SAMD3: variants seen among roughly 807,000 people sequenced by gnomAD.
The protein encoded by SAMD3 is sterile alpha motif domain-containing protein 3.
A neutral mutation model predicts 58.5 loss-of-function variants in SAMD3; 63 were observed. That is an observed-to-expected ratio of 1.08 (90% confidence interval 0.88 to 1.33). The LOEUF (loss-of-function observed/expected upper bound fraction) is 1.33. SAMD3 is among the 40% of genes most tolerant of loss of function. The probability of loss-of-function intolerance (pLI) is 0.00; values close to 1 mark genes in which losing one functional copy is unlikely to be tolerated. For missense variants in SAMD3, 604 were observed against 608.4 expected (o/e 0.99, Z 0.08); for synonymous variants, 220 against 210.3 (o/e 1.05, Z -0.40).
intron 8 of SAMD3, among the ~76,000 whole-genome samples, chr6:130,170,179 C>G (rs1177171790): frequency 6.6e-6 from 1 of 152,142 alleles, no homozygotes; most frequent in African/African-American, 2.4e-5. Context: ...GGTGTTTGTC[C>G]TAATGCTCTC....
chr6:130,208,512 C>T (rs552469132), intron 5 of SAMD3, among the ~76,000 whole-genome samples: 1 of 152,208 alleles, frequency 6.6e-6, no homozygotes, highest in African/African-American at 2.4e-5. Context: ...CACCTGAGCT[C>T]CGCCTCCTGA....
chr6:130,293,075 C>T (rs1212527047), intron 2 of SAMD3, among the ~76,000 whole-genome samples: 13 of 152,194 alleles, frequency 8.5e-5, no homozygotes, highest in Non-Finnish European at 1.3e-4. Flanking sequence ...AGTCCCTAAT[C>T]CTCAATTAGT....
At chr6:130,347,135 C>T (rs1777481560) in intron 1 of SAMD3, among the ~76,000 whole-genome samples, 2 of 152,130 alleles carry the variant, frequency 1.3e-5, no homozygotes, top group Non-Finnish European at 2.9e-5. Flanking sequence ...GGGGAAAAAA[C>T]AGAGCAGAAA....
intron 2 of SAMD3, among the ~76,000 whole-genome samples, chr6:130,277,593 C>T (rs1774823603): frequency 6.6e-6 from 1 of 152,114 alleles, no homozygotes; most frequent in African/African-American, 2.4e-5. Context: ...TTATATAACT[C>T]CTGTTCATCC....
intron 2 of SAMD3, among the ~76,000 whole-genome samples, chr6:130,295,131 C>T (rs1421000140): frequency 6.6e-6 from 1 of 152,046 alleles, no homozygotes; most frequent in African/African-American, 2.4e-5. Context: ...CTGTGTTGGT[C>T]AGGCTGGTCT....
intron 1 of SAMD3, among the ~76,000 whole-genome samples, chr6:130,356,539 T>C (rs983875918): frequency 3.3e-5 from 5 of 152,252 alleles, no homozygotes; most frequent in Admixed American, 1.3e-4. Flanking sequence ...ATGTAATTAT[T>C]ATCTGCCCCT....
chr6:130,351,088 A>G (rs2115035714), intron 1 of SAMD3, among the ~76,000 whole-genome samples: 1 of 152,348 alleles, frequency 6.6e-6, no homozygotes, highest in South Asian at 2.1e-4. Flanking sequence ...GGATGGATTA[A>G]AGACTTACAG....
At chr6:130,360,351 G>A (rs550154009) in intron 1 of SAMD3, among the ~76,000 whole-genome samples, 5 of 152,206 alleles carry the variant, frequency 3.3e-5, no homozygotes, top group Admixed American at 6.5e-5. Flanking sequence ...CCTAAGTGTC[G>A]GCCAGGTTGA....
In SAMD3 at chr6:130,184,467, G is replaced by C; in HGVS notation, c.540C>G (p.Ala180=). ...MRIRIIEFLQ[A]DMTKYLEGSL... ...AGCCTTCCAGATACTTAGTCATGTC[G>C]GCCTGGAGAAACTCAATGATCCTTA... is the stretch of plus-strand genomic sequence containing the variant. Residue 180 remains alanine, a synonymous_variant, in exon 6 of 12, where the codon GCC becomes GCG. Coordinates refer to ENST00000439090, the MANE Select transcript of SAMD3 (RefSeq NM_001017373.4). 6.2e-7 allele frequency: 1 copy of C among 1,613,972 alleles called. No homozygotes were observed. The highest frequency in any genetic ancestry group is 8.5e-7 in the Non-Finnish European group (1 of 1,179,972).
At chr6:130,219,913 G>A (rs573068771) in intron 1 of SAMD3, among the ~76,000 whole-genome samples, 1 of 152,304 alleles carries the variant, frequency 6.6e-6, no homozygotes, top group East Asian at 1.9e-4. Flanking sequence ...TATCAGAGTT[G>A]TCTGTAATTC....
chr6:130,337,587 GA>G (rs1239266843), intron 1 of SAMD3, among the ~76,000 whole-genome samples: 5 of 152,196 alleles, frequency 3.3e-5, no homozygotes, highest in Non-Finnish European at 7.3e-5. Flanking sequence ...CCTAGAAGAA[GA>G]AAGGAATATG....
rs115727825 is a variant in SAMD3, at chr6:130,208,987, A to G, written c.383+508T>C. ...TAAGTCTACAGTTTTTCCTTTGTTT[A>G]GTTGTAATCCATATATTGAAATATA... On this transcript the variant is annotated intron_variant, in intron 5 of 11. Transcript: ENST00000439090. Among the ~76,000 whole-genome samples the G allele has an allele frequency of 3.9e-3, 596 of 152,318 alleles. 8 individuals are homozygous for G. Among genetic ancestry groups the G allele is most frequent in the African/African-American group, 0.013 (560 of 41,574 alleles).
chr6:130,145,657 A>G (rs1040814522), intron 10 of SAMD3, among the ~76,000 whole-genome samples: 8 of 152,176 alleles, frequency 5.3e-5, no homozygotes, highest in African/African-American at 1.4e-4. Context: ...CTGTCTGTCC[A>G]TCAGCCAGGA....
intron 5 of SAMD3, among the ~76,000 whole-genome samples, chr6:130,197,504 C>A (rs978313598): frequency 2.6e-5 from 4 of 152,150 alleles, no homozygotes; most frequent in Admixed American, 6.5e-5. Flanking sequence ...ATTCTTAGAC[C>A]TTTTATACCT....
At chr6:130,178,876 C>CT (rs1791997966) in intron 7 of SAMD3, among the ~76,000 whole-genome samples, 1 of 152,182 alleles carries the variant, frequency 6.6e-6, no homozygotes, top group African/African-American at 2.4e-5. Context: ...ACTGATTAAG[C>CT]TCCCAGGTAT....
intron 2 of SAMD3, among the ~76,000 whole-genome samples, chr6:130,238,419 C>G (rs1216559688): frequency 6.6e-6 from 1 of 151,992 alleles, no homozygotes; most frequent in East Asian, 1.9e-4. Context: ...ACTTTTAGTT[C>G]TATCAAGTCA....
chr6:130,249,938 C>T (rs530732015), intron 2 of SAMD3, among the ~76,000 whole-genome samples: 1 of 152,292 alleles, frequency 6.6e-6, no homozygotes, highest in Admixed American at 6.5e-5. Flanking sequence ...CAGATACAAG[C>T]TTTATGGTAA....
intron 2 of SAMD3, among the ~76,000 whole-genome samples, chr6:130,300,547 A>G (rs1171060691): frequency 3.3e-5 from 5 of 150,982 alleles, no homozygotes; most frequent in African/African-American, 1.2e-4. Context: ...TGAAGCAAGC[A>G]TTCCCCCTAA....
chr6:130,156,800 A>G (rs1331640186), intron 8 of SAMD3, among the ~76,000 whole-genome samples: 1 of 152,070 alleles, frequency 6.6e-6, no homozygotes, highest in Non-Finnish European at 1.5e-5. Flanking sequence ...GCAAGGCTCT[A>G]TCTCTACAAA....
Sources: allele counts gnomAD v4.1 joint callset (sites outside exome capture counted in the v4.1 genomes callset), GRCh38; gene constraint gnomAD v4.1.1; transcripts MANE v1.5; gene names NCBI Gene and HGNC (gene_info 2026-07-23, HGNC 2026-07-21).